Variants in HDGFL2 observed in about 807,000 individuals in gnomAD.
HDGFL2 encodes the protein HDGF like 2.
In HDGFL2, 36 loss-of-function variants were observed where a neutral mutation model predicts 77.1. The observed-to-expected ratio is 0.47, with a 90% CI of 0.36 to 0.62. The LOEUF is 0.62. HDGFL2 is among the 20% of genes least tolerant of loss of function. The probability of loss-of-function intolerance (pLI) is 0.00; values close to 1 mark genes in which losing one functional copy is unlikely to be tolerated. For synonymous variants in HDGFL2, 463 were observed against 413.1 expected (o/e 1.12, Z -1.46); for missense variants, 976 against 973.4 (o/e 1.00, Z -0.04).
In HDGFL2 at chr19:4,479,142, A is replaced by G. The variant is rs1281642073; in HGVS notation, c.288+3559A>G. ...GGAGTTCCAGACCAGCCTGTTCAACATGGCGAAACCCCATTCTACCAAAAC... is the reference window on the plus strand; with the variant it reads ...GGAGTTCCAGACCAGCCTGTTCAACGTGGCGAAACCCCATTCTACCAAAAC... On this transcript the variant is annotated intron_variant, in intron 3 of 15. Transcript: ENST00000616600. Among the ~76,000 whole-genome samples, 5 of 151,222 alleles carry G rather than the reference A, an allele frequency of 3.3e-5. No homozygotes were observed. In the East Asian group the frequency reaches 6.0e-4, roughly 18 times the overall value.
At chr19:4,477,202 T>C (rs1975094768) in intron 3 of HDGFL2, among the ~76,000 whole-genome samples, 1 of 152,188 alleles carries the variant, frequency 6.6e-6, no homozygotes, top group South Asian at 2.1e-4. Context: ...CGCAGACGTT[T>C]CGGTGGTGAC....
At chr19:4,498,979 G>C in intron 13 of HDGFL2, 64 bp downstream of exon 13, 1 of 1,162,792 alleles carries the variant, frequency 8.6e-7, no homozygotes, top group East Asian at 2.6e-5. Flanking sequence ...TGCCTGCCCG[G>C]GAGCCCAGGC....
intron 15 of HDGFL2, 166 bp from the exon 16 acceptor site, chr19:4,501,745 A>ATGGT (rs973658640): frequency 1.8e-6 from 1 of 548,304 alleles, no homozygotes; most frequent in Non-Finnish European, 3.1e-6. Context: ...GACCCTGGAG[A>ATGGT]TGGTTGTGGT....
chr19:4,499,391 G>T, intron 13 of HDGFL2, 100 bp from the exon 14 acceptor site: 1 of 1,005,606 alleles, frequency 9.9e-7, no homozygotes. Context: ...GTGCTCCCGG[G>T]AGGGGCTGCG....
At chr19:4,477,649 T>C (rs1975106059) in intron 3 of HDGFL2, among the ~76,000 whole-genome samples, 1 of 152,168 alleles carries the variant, frequency 6.6e-6, no homozygotes, top group African/African-American at 2.4e-5. Context: ...AAGCATTATA[T>C]AGAGGCCTGT....
At chr19:4,499,961 C>T (rs1014847583) in intron 14 of HDGFL2, among the ~76,000 whole-genome samples, 2 of 152,190 alleles carry the variant, frequency 1.3e-5, no homozygotes, top group Non-Finnish European at 2.9e-5. Flanking sequence ...GTGACGGGGA[C>T]AGTGCATGAC....
At chr19:4,501,854 T>C in intron 15 of HDGFL2, 57 bp from the exon 16 acceptor site, 1 of 1,317,384 alleles carries the variant, frequency 7.6e-7, no homozygotes, top group African/African-American at 1.5e-5. Context: ...CCAACCGCCC[T>C]ACAGGCAGGG....
chr19:4,488,952 C>CTTT (rs34663282), intron 4 of HDGFL2, 76 bp downstream of exon 4: 2,200 of 704,788 alleles, frequency 3.1e-3, no homozygotes, highest in Middle Eastern at 3.9e-3. Context: ...CTCTCCTGCC[C>CTTT]TTTTTTTTTT....
chr19:4,497,118 C>T (rs1336731014), intron 10 of HDGFL2: 4 of 440,106 alleles, frequency 9.1e-6, no homozygotes, highest in Non-Finnish European at 1.8e-5. Flanking sequence ...CGTGATCTGC[C>T]CGCCTCAGCC....
intron 3 of HDGFL2, among the ~76,000 whole-genome samples, chr19:4,483,345 C>G (rs1472328542): frequency 2.0e-5 from 3 of 152,192 alleles, no homozygotes; most frequent in Non-Finnish European, 2.9e-5. Context: ...CTCCCAGCCT[C>G]TCCTCCCGGC....
chr19:4,496,441 C>T (rs1377693872), intron 10 of HDGFL2, 36 bp downstream of exon 10: 5 of 1,466,818 alleles, frequency 3.4e-6, no homozygotes, highest in Admixed American at 1.8e-5. Flanking sequence ...CCCTGGGGGC[C>T]CCGCACCCCG....
chr19:4,493,705 G>A lies in HDGFL2; in HGVS notation c.681G>A (p.Lys227=), dbSNP rs773718239. 205 of 1,462,618 alleles carry A rather than the reference G, an allele frequency of 1.4e-4. No homozygotes were observed. The highest frequency in any genetic ancestry group is 1.8e-4 in the Middle Eastern group (1 of 5,550). 90.6% of individuals were successfully genotyped at this position (1,462,618 alleles called of 1,614,324 possible). The change falls in exon 7 of 16, where the codon AAG becomes AAA. Residue 227 remains lysine (K), a splice_region_variant and synonymous_variant. Transcript: ENST00000616600. Reference sequence around the variant, plus strand: ...CGCCTGTCCCTGCTTCTCCCCAGAAGGCGCCATCAGCCTCCGACTCCGACT... The same window carrying A: ...CGCCTGTCCCTGCTTCTCCCCAGAAAGCGCCATCAGCCTCCGACTCCGACT... ...RGPLGGRKKK[K]APSASDSDSK... is the part of the protein sequence containing the mutation.
intron 4 of HDGFL2, among the ~76,000 whole-genome samples, chr19:4,490,723 G>A (rs1284569235): frequency 1.3e-5 from 2 of 152,164 alleles, no homozygotes; most frequent in African/African-American, 4.8e-5. Context: ...CTTGGAAAAT[G>A]CAAAGAACAG....
intron 10 of HDGFL2, chr19:4,497,459 A>T (rs1975736155): frequency 1.0e-5 from 3 of 289,946 alleles, no homozygotes; most frequent in Non-Finnish European, 2.0e-5. Flanking sequence ...GGCCTCCCAA[A>T]GTGCTGGGAT....
chr19:4,494,237 C>T lies in HDGFL2; in HGVS notation c.986C>T (p.Ala329Val). 6.8e-7 allele frequency: 1 copy of T among 1,462,566 alleles called. No homozygotes were observed. The highest frequency in any genetic ancestry group is 2.7e-5 in the East Asian group (1 of 37,370). The allele number at this position is 1,462,566 out of a possible 1,614,324, so 90.6% of individuals were successfully genotyped here. The change falls in exon 9 of 16, where the codon GCC (alanine) becomes GTC (valine). Residue 329 changes from alanine to valine, a missense_variant. Transcript: ENST00000616600. ...RDEARRRELE[A>V]RRRREQEEEL... The stretch of plus-strand genomic sequence containing the variant: ...GAGGCGCGGAGGCGCGAGCTGGAGG[C>T]CCGGCGGCGGCGAGAGCAGGAGGAG...
intron 6 of HDGFL2, 27 bp from the exon 7 acceptor site, chr19:4,493,676 C>A (rs1316114728): frequency 1.4e-6 from 2 of 1,430,220 alleles, no homozygotes; most frequent in South Asian, 3.0e-5. Context: ...GCTCCTGATG[C>A]TCACGCCTGT....
chr19:4,496,187 C>T (rs1975696334), intron 9 of HDGFL2, 115 bp from the exon 10 acceptor site: 3 of 818,044 alleles, frequency 3.7e-6, no homozygotes, highest in Admixed American at 2.1e-5. Context: ...CACCTTCAAA[C>T]AGTGTGGAGG....
Position 4,498,066 on chromosome 19 carries a change from G to A in HDGFL2, c.1402+35G>A, listed in dbSNP as rs1038264688. On this transcript the variant is annotated intron_variant, in intron 11 of 15. Transcript: ENST00000616600. The stretch of plus-strand genomic sequence containing the variant: ...GGCTGCCCAGCACTGCCCACACTGA[G>A]TTCACTGAGGGGAACGGGGACAGCC... The A allele has an allele frequency of 4.6e-6, 7 of 1,522,874 alleles. No individual in the cohort carries two copies. The African/African-American group carries it at 6.9e-5, about 15-fold the overall frequency. The allele number at this position is 1,522,874 out of a possible 1,614,324, so 94.3% of individuals were successfully genotyped here.
At chr19:4,490,855 A>G (rs1472196674) in intron 4 of HDGFL2, among the ~76,000 whole-genome samples, 2 of 149,798 alleles carry the variant, frequency 1.3e-5, no homozygotes, top group African/African-American at 4.9e-5. Flanking sequence ...CTTGTCACCC[A>G]GGCTGGAGTG....
Sources: allele counts gnomAD v4.1 joint callset (sites outside exome capture counted in the v4.1 genomes callset), GRCh38; gene constraint gnomAD v4.1.1; transcripts MANE v1.5; gene names NCBI Gene and HGNC (gene_info 2026-07-23, HGNC 2026-07-21).